Variants in SAMMSON observed in about 807,000 individuals in gnomAD.
SAMMSON encodes survival associated mitochondrial melanoma specific oncogenic non-coding RNA.
intron 4 of SAMMSON, among the ~76,000 whole-genome samples, chr3:70,098,927 C>T (rs56342231): frequency 0.071 from 10,863 of 152,056 alleles, 548 homozygotes; most frequent in Non-Finnish European, 0.11. Flanking sequence ...ATTATTACAC[C>T]GCATGTTTTC....
chr3:70,287,301 A>G (rs1287514298), intron 6 of SAMMSON, among the ~76,000 whole-genome samples: 19 of 145,046 alleles, frequency 1.3e-4, no homozygotes, highest in Admixed American at 1.1e-3. Flanking sequence ...CCTTTTCTGC[A>G]TCTATTGAGA....
At chr3:70,244,654 A>G (rs1351486032) in intron 4 of SAMMSON, among the ~76,000 whole-genome samples, 1 of 152,226 alleles carries the variant, frequency 6.6e-6, no homozygotes, top group Non-Finnish European at 1.5e-5. Flanking sequence ...AAATGCAATT[A>G]ACTTAGAATA....
intron 4 of SAMMSON, among the ~76,000 whole-genome samples, chr3:70,234,327 G>T (rs1701588411): frequency 6.6e-6 from 1 of 152,124 alleles, no homozygotes; most frequent in Non-Finnish European, 1.5e-5. Context: ...GATGAGGTTT[G>T]GGATAAAAAG....
At chr3:70,246,544 T>C (rs969192734) in intron 4 of SAMMSON, among the ~76,000 whole-genome samples, 2 of 152,106 alleles carry the variant, frequency 1.3e-5, no homozygotes, top group African/African-American at 4.8e-5. Context: ...CAATTTAATT[T>C]GAATTTCAGT....
chr3:70,015,818 C>G (rs1191687391), intron 3 of SAMMSON, among the ~76,000 whole-genome samples: 1 of 152,010 alleles, frequency 6.6e-6, no homozygotes, highest in Non-Finnish European at 1.5e-5. Context: ...GTGGTGTTTG[C>G]TTTTTTGTTC....
intron 3 of SAMMSON, among the ~76,000 whole-genome samples, chr3:70,026,252 G>T (rs2067036621): frequency 6.6e-6 from 1 of 152,142 alleles, no homozygotes; most frequent in Non-Finnish European, 1.5e-5. Flanking sequence ...TCTGAGAACA[G>T]GATTTCTGAT....
intron 2 of SAMMSON, among the ~76,000 whole-genome samples, chr3:70,412,390 A>T (rs1208055819): frequency 6.6e-6 from 1 of 152,346 alleles, no homozygotes; most frequent in Admixed American, 6.5e-5. Flanking sequence ...CAAAACAAAT[A>T]AAAGACTAAA....
At chr3:70,206,868 T>C in intron 4 of SAMMSON, 1 of 396,084 alleles carries the variant, frequency 2.5e-6, no homozygotes, top group Non-Finnish European at 4.5e-6. Context: ...TGCAGAAATT[T>C]TCACATTTGA....
At chr3:70,233,568 A>T (rs898454567) in intron 4 of SAMMSON, among the ~76,000 whole-genome samples, 10 of 152,318 alleles carry the variant, frequency 6.6e-5, no homozygotes, top group East Asian at 5.8e-4. Context: ...GTGCACCAAG[A>T]AGCCATCCCC....
At chr3:70,079,504 T>G (rs1459728221) in intron 4 of SAMMSON, among the ~76,000 whole-genome samples, 1 of 152,214 alleles carries the variant, frequency 6.6e-6, no homozygotes, top group Non-Finnish European at 1.5e-5. Context: ...GAAGCTGTGC[T>G]TCAAGTACCC....
At chr3:70,174,842 G>A (rs1293167835) in intron 4 of SAMMSON, among the ~76,000 whole-genome samples, 1 of 151,694 alleles carries the variant, frequency 6.6e-6, no homozygotes, top group Non-Finnish European at 1.5e-5. Flanking sequence ...AATCCTAGGT[G>A]GACAATCTAA....
intron 3 of SAMMSON, among the ~76,000 whole-genome samples, chr3:70,056,339 G>A (rs1048854961): frequency 1.3e-5 from 2 of 152,008 alleles, no homozygotes; most frequent in African/African-American, 2.4e-5. Context: ...CAGACAAAAA[G>A]TCTTTTCATA....
intron 6 of SAMMSON, among the ~76,000 whole-genome samples, chr3:70,275,503 C>G (rs1010743990): frequency 2.6e-5 from 4 of 152,122 alleles, no homozygotes; most frequent in Non-Finnish European, 5.9e-5. Flanking sequence ...GGTGGCAAAG[C>G]AAGACCCTGT....
At chr3:70,275,086 C>A (rs911963686) in intron 6 of SAMMSON, among the ~76,000 whole-genome samples, 3 of 152,128 alleles carry the variant, frequency 2.0e-5, no homozygotes, top group Admixed American at 6.5e-5. Flanking sequence ...TTATTTATAA[C>A]CTCCAAACAG....
chr3:70,422,812 CA>C (rs1200428716), intron 2 of SAMMSON, among the ~76,000 whole-genome samples: 1 of 151,636 alleles, frequency 6.6e-6, no homozygotes, highest in Admixed American at 6.6e-5. Context: ...CATGTAAAAG[CA>C]AGCAACTGCA....
chr3:70,060,349 C>T (rs925533503), intron 3 of SAMMSON, among the ~76,000 whole-genome samples: 1 of 152,000 alleles, frequency 6.6e-6, no homozygotes, highest in Admixed American at 6.6e-5. Context: ...ACTTGACCAG[C>T]AGGAGAGTCT....
At chr3:70,099,894 A>C (rs2067335976) in intron 4 of SAMMSON, among the ~76,000 whole-genome samples, 1 of 152,156 alleles carries the variant, frequency 6.6e-6, no homozygotes, top group Non-Finnish European at 1.5e-5. Context: ...CCCTGTGCAG[A>C]CCTGTGAAGA....
At chr3:70,005,142 T>C (rs982505764) in intron 1 of SAMMSON, among the ~76,000 whole-genome samples, 4 of 152,162 alleles carry the variant, frequency 2.6e-5, no homozygotes, top group African/African-American at 4.8e-5. Context: ...CCTGGGCCAA[T>C]AGAAATTCAC....
intron 4 of SAMMSON, among the ~76,000 whole-genome samples, chr3:70,164,505 C>A (rs991948636): frequency 6.6e-6 from 1 of 152,008 alleles, no homozygotes; most frequent in Admixed American, 6.6e-5. Flanking sequence ...CTTGTGCCTG[C>A]ACTTTTTCTG....
Sources: allele counts gnomAD v4.1 joint callset (sites outside exome capture counted in the v4.1 genomes callset), GRCh38; gene constraint gnomAD v4.1.1; transcripts MANE v1.5; gene names NCBI Gene and HGNC (gene_info 2026-07-23, HGNC 2026-07-21).